IRF2: variants seen among roughly 807,000 people sequenced by gnomAD.
IRF2 encodes interferon regulatory factor 2.
IRF2 carries 15 observed loss-of-function variants against 40.6 expected under a neutral mutation model. The observed-to-expected ratio is 0.37, with a 90% CI of 0.25 to 0.57. The LOEUF (loss-of-function observed/expected upper bound fraction) is 0.57. Among genes scored for constraint, IRF2 ranks in the 20% least tolerant of loss-of-function variants. The probability of loss-of-function intolerance (pLI) is 0.77; values close to 1 mark genes in which losing one functional copy is unlikely to be tolerated. For missense variants in IRF2, 317 were observed against 455.7 expected (o/e 0.70, Z 2.77); for synonymous variants, 151 against 165.5 (o/e 0.91, Z 0.67).
At chr4:184,410,786 T>C (rs1316936813) in intron 5 of IRF2, among the ~76,000 whole-genome samples, 1 of 152,220 alleles carries the variant, frequency 6.6e-6, no homozygotes, top group Non-Finnish European at 1.5e-5. Context: ...GATTTCTCCA[T>C]TGAAGACCTC....
intron 1 of IRF2, among the ~76,000 whole-genome samples, chr4:184,439,287 C>T (rs1191653385): frequency 4.1e-5 from 6 of 147,878 alleles, no homozygotes; most frequent in Non-Finnish European, 8.9e-5. Flanking sequence ...CCAAAACTGC[C>T]TTGCAATGCT....
At chr4:184,400,221 C>CCA (rs1274075982) in intron 6 of IRF2, among the ~76,000 whole-genome samples, 1 of 152,230 alleles carries the variant, frequency 6.6e-6, no homozygotes, top group Non-Finnish European at 1.5e-5. Context: ...ACCTCCCCAT[C>CCA]CATCTCTTTG....
intron 5 of IRF2, among the ~76,000 whole-genome samples, chr4:184,409,614 G>A (rs1288733198): frequency 3.3e-5 from 5 of 152,122 alleles, no homozygotes; most frequent in Non-Finnish European, 7.4e-5. Context: ...CTTTTCTTGG[G>A]CCAAGCACGG....
At chr4:184,462,454 A>G (rs1388104577) in intron 1 of IRF2, among the ~76,000 whole-genome samples, 2 of 152,242 alleles carry the variant, frequency 1.3e-5, no homozygotes, top group African/African-American at 4.8e-5. Context: ...AAGAGAACAA[A>G]TGAAGGCAAC....
intron 1 of IRF2, among the ~76,000 whole-genome samples, chr4:184,464,849 T>G (rs1365133179): frequency 6.6e-6 from 1 of 151,970 alleles, no homozygotes; most frequent in Non-Finnish European, 1.5e-5. Context: ...TTGGTTTTCC[T>G]TTTTCTTCTT....
At chr4:184,420,338 G>A (rs900372364) in intron 2 of IRF2, among the ~76,000 whole-genome samples, 2 of 152,110 alleles carry the variant, frequency 1.3e-5, no homozygotes, top group African/African-American at 2.4e-5. Flanking sequence ...AAGAAAAGTC[G>A]GGTACATCTG....
At chr4:184,419,404 G>A (rs1737398223) in intron 3 of IRF2, 65 bp downstream of exon 3, 1 of 1,065,800 alleles carries the variant, frequency 9.4e-7, no homozygotes, top group Non-Finnish European at 1.5e-6. Context: ...GCTATTTTAT[G>A]TGTAATAAAA....
chr4:184,390,231 C>A (rs1346074279), intron 8 of IRF2, among the ~76,000 whole-genome samples: 3 of 152,166 alleles, frequency 2.0e-5, no homozygotes, highest in African/African-American at 7.2e-5. Context: ...GGGGACGGGA[C>A]CCACTCGGAA....
intron 1 of IRF2, among the ~76,000 whole-genome samples, chr4:184,469,641 C>G (rs922975519): frequency 6.6e-6 from 1 of 152,212 alleles, no homozygotes; most frequent in Non-Finnish European, 1.5e-5. Context: ...AGCCACCGCA[C>G]TCCAGCCTGG....
rs1052386063 is a variant in IRF2, at chr4:184,428,813, C to G, written c.87+165G>C. 6 of 660,358 alleles carry G rather than the reference C, an allele frequency of 9.1e-6. No homozygotes were observed. The Admixed American group carries it at 1.1e-4, about 12-fold the overall frequency. 40.9% of individuals were successfully genotyped at this position (660,358 alleles called of 1,614,324 possible). On this transcript the variant is annotated intron_variant, in intron 2 of 8. Coordinates refer to ENST00000393593, the MANE Select transcript of IRF2 (RefSeq NM_002199.4). Reference sequence around the variant, plus strand: ...GACCCTGTCTCTAAAAGAAAAAAAGCCTTTGAGATGATAACTTGATGTTTT... The same window carrying G: ...GACCCTGTCTCTAAAAGAAAAAAAGGCTTTGAGATGATAACTTGATGTTTT...
At position 184,415,358 on chromosome 4, in the gene IRF2, C is replaced by T. The variant is rs73874637; in HGVS notation, c.411+2809G>A. Among the ~76,000 whole-genome samples the T allele has an allele frequency of 7.2e-3, 1,103 of 152,310 alleles. 15 individuals carry two copies. The highest frequency in any genetic ancestry group is 0.026 in the African/African-American group (1,067 of 41,550). ...TCTTGACCCACACGGCTGCACCTAA[C>T]GGGATCTCTCACTTACTTCCCTGGG... On this transcript the variant is annotated intron_variant, in intron 5 of 8. Coordinates refer to ENST00000393593, the MANE Select transcript of IRF2 (RefSeq NM_002199.4).
intron 2 of IRF2, among the ~76,000 whole-genome samples, chr4:184,428,327 C>CT (rs1489461700): frequency 6.6e-6 from 1 of 152,056 alleles, no homozygotes; most frequent in Non-Finnish European, 1.5e-5. Flanking sequence ...TCCTCTAGTC[C>CT]TAAAAGGCCA....
At chr4:184,443,443 G>A (rs775025044) in intron 1 of IRF2, among the ~76,000 whole-genome samples, 1 of 151,982 alleles carries the variant, frequency 6.6e-6, no homozygotes, top group Non-Finnish European at 1.5e-5. Flanking sequence ...GTTTAGCTCC[G>A]TCTTATAAGT....
rs1023760669 is a variant in IRF2, at chr4:184,387,909, G to C, written c.*849C>G. 1 of 151,974 alleles carries C rather than the reference G, an allele frequency of 6.6e-6. No homozygotes were observed. The highest frequency in any genetic ancestry group is 1.5e-5 in the Non-Finnish European group (1 of 67,934). 9.4% of individuals were successfully genotyped at this position (151,974 alleles called of 1,614,324 possible). A position where few individuals can be genotyped will look rare whatever the true frequency, so the allele number is the denominator to read the frequency against. The stretch of plus-strand genomic sequence containing the variant: ...AAAATTATAAATTTGCTGTAGAAAA[G>C]ATAAAAAACAATTATATTTTATTTA... On this transcript the variant is annotated 3_prime_UTR_variant, in exon 9 of 9. Transcript: ENST00000393593.
rs373484868 is a variant in IRF2, at chr4:184,441,783, C to G, written c.-6-12713G>C. Among the ~76,000 whole-genome samples the G allele has an allele frequency of 4.1e-4, 63 of 152,324 alleles. No individual in the cohort carries two copies. In the South Asian group the frequency reaches 0.013, roughly 31 times the overall value. ...TAAGAGGATAAGCTCACCTGATTCA[C>G]AGCATCCCAAGAACGTGGGTACTAC... On this transcript the variant is annotated intron_variant, in intron 1 of 8. Transcript: ENST00000393593.
intron 1 of IRF2, among the ~76,000 whole-genome samples, chr4:184,459,651 T>A (rs1374427550): frequency 6.6e-6 from 1 of 152,178 alleles, no homozygotes; most frequent in Non-Finnish European, 1.5e-5. Context: ...AATGAATGAC[T>A]CAAACCTACA....
In IRF2 at chr4:184,388,637, T is replaced by C; in HGVS notation, c.*121A>G. Reference sequence around the variant, plus strand: ...GTTGGACACAGCAATCAATGTTCTATTGTCAAGGCTTTTTCCCTTAGATTT... The same window carrying C: ...GTTGGACACAGCAATCAATGTTCTACTGTCAAGGCTTTTTCCCTTAGATTT... On this transcript the variant is annotated 3_prime_UTR_variant, in exon 9 of 9. Coordinates refer to ENST00000393593, the MANE Select transcript of IRF2 (RefSeq NM_002199.4). The surrounding 1 kb of genome is among the most constrained non-coding windows in gnomAD (Gnocchi z 4.6). 2.0e-6 allele frequency: 2 copies of C among 1,021,108 alleles called. No individual in the cohort carries two copies. The allele number at this position is 1,021,108 out of a possible 1,614,324, so 63.3% of individuals were successfully genotyped here. A position where few individuals can be genotyped will look rare whatever the true frequency, so the allele number is the denominator to read the frequency against.
chr4:184,471,624 G>A (rs1286920905), intron 1 of IRF2, among the ~76,000 whole-genome samples: 6 of 152,318 alleles, frequency 3.9e-5, no homozygotes, highest in Admixed American at 2.0e-4. Flanking sequence ...ATATAACATC[G>A]TTGGTAACAT....
chr4:184,389,748 A>T (rs1441543138), intron 8 of IRF2, among the ~76,000 whole-genome samples: 1 of 152,126 alleles, frequency 6.6e-6, no homozygotes, highest in East Asian at 1.9e-4. Context: ...GTTTCAGGTC[A>T]CCATGGCCAG....
Sources: gnomAD v4.1 joint callset for allele counts (sites outside exome capture counted in the v4.1 genomes callset) on GRCh38, gnomAD v4.1.1 for gene constraint, Gnocchi (gnomAD v3.1) non-coding constraint, MANE v1.5 for transcripts, NCBI Gene and HGNC (gene_info 2026-07-23, HGNC 2026-07-21) for gene names.